The following IFT88 variants were observed in gnomAD, a reference collection of about 807,000 sequenced individuals.
IFT88 encodes the protein intraflagellar transport 88, also known as intraflagellar transport protein 88 homolog.
A neutral mutation model predicts 119.5 loss-of-function variants in IFT88; 74 were observed. That is an observed-to-expected ratio of 0.62 (90% CI 0.51 to 0.75). IFT88 has a LOEUF of 0.75. Ranked by LOEUF, IFT88 falls within the 30% of genes least tolerant of loss-of-function variation. IFT88 has a pLI of 0.00. For synonymous variants in IFT88, 279 were observed against 316.7 expected (o/e 0.88, Z 1.26); for missense variants, 961 against 977.7 (o/e 0.98, Z 0.23).
chr13:20,570,019 A>G (rs1239391086), intron 1 of IFT88, among the ~76,000 whole-genome samples: 1 of 145,810 alleles, frequency 6.9e-6, no homozygotes, highest in Non-Finnish European at 1.5e-5. Context: ...AGCCTAGGCG[A>G]CAGAGCAAGA....
At chr13:20,676,136 A>G (rs2056631518) in intron 24 of IFT88, among the ~76,000 whole-genome samples, 1 of 152,210 alleles carries the variant, frequency 6.6e-6, no homozygotes. Flanking sequence ...TGTATCTTCA[A>G]CAGAACATGC....
At chr13:20,580,566 A>T (rs947112700) in intron 2 of IFT88, among the ~76,000 whole-genome samples, 1 of 152,142 alleles carries the variant, frequency 6.6e-6, no homozygotes, top group Non-Finnish European at 1.5e-5. Context: ...GTATTTTCTC[A>T]TGATAGGATA....
chr13:20,625,011 A>G (rs2047088800), intron 14 of IFT88, among the ~76,000 whole-genome samples: 1 of 152,152 alleles, frequency 6.6e-6, no homozygotes, highest in South Asian at 2.1e-4. Flanking sequence ...TCTAACTGAA[A>G]TGTTGTGTTC....
chr13:20,679,100 CTT>C (rs765908307), intron 24 of IFT88, among the ~76,000 whole-genome samples: 26 of 152,206 alleles, frequency 1.7e-4, no homozygotes, highest in Non-Finnish European at 3.5e-4. Flanking sequence ...TCTCCTAACT[CTT>C]TCCCACTCGT....
At chr13:20,605,130 A>AC in intron 13 of IFT88, 25 bp downstream of exon 13, 34 of 939,194 alleles carry the variant, frequency 3.6e-5, no homozygotes, top group African/African-American at 6.7e-5. Flanking sequence ...TTAATAACGT[A>AC]GTTATTAATT....
chr13:20,684,668 A>G (rs1429653737), intron 24 of IFT88, among the ~76,000 whole-genome samples: 2 of 152,222 alleles, frequency 1.3e-5, no homozygotes, highest in East Asian at 1.9e-4. Context: ...AAAAAGTTGC[A>G]TAAGTCAGCT....
At chr13:20,596,908 T>C in intron 8 of IFT88, 107 bp from the exon 9 acceptor site, 1 of 611,796 alleles carries the variant, frequency 1.6e-6, no homozygotes, top group South Asian at 2.6e-5. Flanking sequence ...TCTTGAGGAA[T>C]CTGAGGATAG....
intron 14 of IFT88, among the ~76,000 whole-genome samples, chr13:20,617,342 T>C (rs1015456094): frequency 2.6e-5 from 4 of 152,042 alleles, no homozygotes; most frequent in African/African-American, 4.8e-5. Flanking sequence ...TTAGTCGGAA[T>C]TGTAAACTTT....
At chr13:20,656,279 C>A in intron 21 of IFT88, 86 bp from the exon 22 acceptor site, 1 of 477,826 alleles carries the variant, frequency 2.1e-6, no homozygotes, top group South Asian at 5.3e-5. Context: ...CATTAAATAG[C>A]CAGTATATCA....
At chr13:20,632,414 C>CATCT (rs929678480) in intron 16 of IFT88, among the ~76,000 whole-genome samples, 2 of 152,286 alleles carry the variant, frequency 1.3e-5, no homozygotes, top group African/African-American at 2.4e-5. Flanking sequence ...CAGACCTCAC[C>CATCT]ATCTACCAGG....
intron 14 of IFT88, among the ~76,000 whole-genome samples, chr13:20,616,494 A>C (rs1837850223): frequency 1.3e-5 from 2 of 152,230 alleles, no homozygotes; most frequent in South Asian, 4.1e-4. Flanking sequence ...TGTAGTATTC[A>C]ATACAGTAAC....
At chr13:20,590,105 G>A (rs943559851) in intron 4 of IFT88, among the ~76,000 whole-genome samples, 4 of 152,038 alleles carry the variant, frequency 2.6e-5, no homozygotes, top group African/African-American at 9.7e-5. Flanking sequence ...CCCTGTGTTC[G>A]TTGACGTCCT....
intron 23 of IFT88, among the ~76,000 whole-genome samples, chr13:20,669,842 T>C (rs2055485713): frequency 6.6e-6 from 1 of 152,214 alleles, no homozygotes; most frequent in Non-Finnish European, 1.5e-5. Flanking sequence ...CTTTGCTACA[T>C]CTTTTTAAGA....
rs562077572 is a variant in IFT88 at position 20,612,051 on chromosome 13, T to C, written c.1113-3742T>C. 7.9e-5 allele frequency: 12 copies of C among 152,300 alleles called. No individual in the cohort carries two copies. The East Asian group carries it at 2.3e-3, about 29-fold the overall frequency. 9.4% of individuals were successfully genotyped at this position (152,300 alleles called of 1,614,324 possible). A position where few individuals can be genotyped will look rare whatever the true frequency, so the allele number is the denominator to read the frequency against. On this transcript the variant is annotated intron_variant, in intron 13 of 25. Coordinates refer to ENST00000351808, the MANE Select transcript of IFT88 (RefSeq NM_006531.5). ...TCTTTTTTCAGATGACATGATCTTG[T>C]ACATAGAAAATCCTAAGGAATCAAC...
At chr13:20,678,913 A>G (rs148151992) in intron 24 of IFT88, among the ~76,000 whole-genome samples, 1 of 152,212 alleles carries the variant, frequency 6.6e-6, no homozygotes, top group Non-Finnish European at 1.5e-5. Context: ...TTGAAATCAC[A>G]GAGCCTCCAA....
intron 13 of IFT88, among the ~76,000 whole-genome samples, chr13:20,606,660 C>G (rs1466256664): frequency 6.6e-6 from 1 of 152,202 alleles, no homozygotes. Flanking sequence ...GGGTAGATAA[C>G]CTGAGGTCAA....
chr13:20,602,600 G>A lies in IFT88; in HGVS notation c.1041+667G>A, dbSNP rs371469240. Among the ~76,000 whole-genome samples the A allele has an allele frequency of 5.3e-5, 8 of 152,274 alleles. No individual in the cohort carries two copies. The East Asian group carries it at 7.7e-4, about 15-fold the overall frequency. On this transcript the variant is annotated intron_variant, in intron 12 of 25. Transcript: ENST00000351808. ...AACTGTGTATAAATATCTCAAGAGC[G>A]AAGGCTGGGCGCAGTGGCTCACACC... is the stretch of plus-strand genomic sequence containing the variant.
At chr13:20,631,279 C>T (rs2048167163) in intron 16 of IFT88, 177 bp downstream of exon 16, 1 of 543,686 alleles carries the variant, frequency 1.8e-6, no homozygotes, top group South Asian at 2.5e-5. Flanking sequence ...AGTTGGCAGA[C>T]ATGAGTGAGA....
intron 19 of IFT88, among the ~76,000 whole-genome samples, 190 bp from the exon 20 acceptor site, chr13:20,644,651 AGT>A (rs1178134723): frequency 6.6e-6 from 1 of 152,172 alleles, no homozygotes; most frequent in Non-Finnish European, 1.5e-5. Flanking sequence ...ATAATTGAAA[AGT>A]GTGTCAAGCA....
Sources: gnomAD v4.1 joint callset for allele counts (sites outside exome capture counted in the v4.1 genomes callset) on GRCh38, gnomAD v4.1.1 for gene constraint, MANE v1.5 for transcripts, NCBI Gene and HGNC (gene_info 2026-07-23, HGNC 2026-07-21) for gene names.